TRPM5: variants seen among roughly 807,000 people sequenced by gnomAD.
TRPM5 encodes MLSN1 and TRP-related.
TRPM5 carries 121 observed loss-of-function variants against 124.9 expected under a neutral mutation model. That is an observed-to-expected ratio of 0.97 (90% CI 0.84 to 1.13). The LOEUF is 1.13. TRPM5 is among the 50% of genes most tolerant of loss of function. TRPM5 has a pLI of 0.00. For missense variants in TRPM5, 1,643 were observed against 1,589.1 expected (o/e 1.03, Z -0.58); for synonymous variants, 781 against 700.5 (o/e 1.11, Z -1.81).
the TRPM5 span, among the ~76,000 whole-genome samples, chr11:2,441,279 C>G: frequency 8.5e-5 from 13 of 152,164 alleles, no homozygotes; most frequent in Admixed American, 2.0e-4. The surrounding 1 kb of genome is among the most constrained non-coding windows in gnomAD (Gnocchi z 7.2). Context: ...TACAACCCTG[C>G]GGTCCTGCTC....
chr11:2,418,876 C>T (rs545077809), intron 4 of TRPM5, among the ~76,000 whole-genome samples: 2 of 152,316 alleles, frequency 1.3e-5, no homozygotes, highest in African/African-American at 4.8e-5. Flanking sequence ...AGCACCCAGC[C>T]CTACAGGTGC....
Position 2,406,006 on chromosome 11 carries a change from G to T in TRPM5, c.3324+13C>A, listed in dbSNP as rs201606499. The T allele has an allele frequency of 7.5e-6, 12 of 1,609,094 alleles. No homozygotes were observed. Among genetic ancestry groups the T allele is most frequent in the Non-Finnish European group, 1.0e-5 (12 of 1,179,086 alleles). ...GCCTCCCATCAGGGAGAGGAGCTCT[G>T]GGGCTCGCTTGCCTGTGACTCCAGA... On this transcript the variant is annotated intron_variant, in intron 22 of 23. Transcript: ENST00000155858.
At chr11:2,431,995 C>T in the TRPM5 span, among the ~76,000 whole-genome samples, 21 of 152,258 alleles carry the variant, frequency 1.4e-4, no homozygotes, top group Admixed American at 3.9e-4. Flanking sequence ...AGTGTCCAGG[C>T]GTGTCTCTGT....
At chr11:2,417,421 C>T (rs1190682286) in intron 7 of TRPM5, among the ~76,000 whole-genome samples, 1 of 152,234 alleles carries the variant, frequency 6.6e-6, no homozygotes, top group Non-Finnish European at 1.5e-5. Flanking sequence ...CAGCACTGCA[C>T]TCCAGCCTGG....
intron 21 of TRPM5, among the ~76,000 whole-genome samples, 197 bp from the exon 27 acceptor site, chr11:2,406,288 C>T (rs1347116993): frequency 6.6e-6 from 1 of 152,188 alleles, no homozygotes; most frequent in Non-Finnish European, 1.5e-5. Flanking sequence ...CGCTCTATGC[C>T]TTCCCAGTAG....
the TRPM5 span, among the ~76,000 whole-genome samples, chr11:2,432,102 A>C: frequency 6.6e-6 from 1 of 152,202 alleles, no homozygotes; most frequent in African/African-American, 2.4e-5. Context: ...CCTGGGTGGA[A>C]GGGCAGACAC....
intron 4 of TRPM5, among the ~76,000 whole-genome samples, chr11:2,419,407 A>G (rs1306105577): frequency 6.6e-6 from 1 of 151,542 alleles, no homozygotes; most frequent in Non-Finnish European, 1.5e-5. Context: ...CAGGAGTTCA[A>G]GACCAGCCTG....
the TRPM5 span, among the ~76,000 whole-genome samples, chr11:2,438,169 A>G: frequency 6.6e-6 from 1 of 152,246 alleles, no homozygotes; most frequent in Admixed American, 6.5e-5. The surrounding 1 kb of genome is among the most constrained non-coding windows in gnomAD (Gnocchi z 5.9). Flanking sequence ...CAAACTAGCC[A>G]TCAAAGGAAC....
At chr11:2,416,104 C>T (rs571970192) in intron 7 of TRPM5, 80 bp from the exon 13 acceptor site, 41 of 1,063,002 alleles carry the variant, frequency 3.9e-5, no homozygotes, top group Non-Finnish European at 5.1e-5. Context: ...CCCAAAGGTG[C>T]GCTGCCTAGA....
rs1481162138 is a variant in TRPM5, at chr11:2,414,009, G to A, written c.1890+52C>T. On this transcript the variant is annotated intron_variant, in intron 12 of 23. Coordinates refer to ENST00000155858, the Ensembl canonical transcript of TRPM5. ...AGTCAACTCAAGCTGGGCCCAGCTC[G>A]CCCGCCCACCCCACCCCCTGGCAGC... The A allele has an allele frequency of 1.4e-5, 14 of 1,025,312 alleles. No homozygotes were observed. The East Asian group carries it at 1.4e-4, about 10-fold the overall frequency. 63.5% of individuals were successfully genotyped at this position (1,025,312 alleles called of 1,614,324 possible).
At chr11:2,410,754 G>A (rs1850429369) in intron 18 of TRPM5, 3 of 444,456 alleles carry the variant, frequency 6.7e-6, no homozygotes, top group Admixed American at 4.9e-5. Flanking sequence ...ACACCCATAG[G>A]CATGGGCAGG....
the TRPM5 span, among the ~76,000 whole-genome samples, chr11:2,439,835 T>C: frequency 6.6e-6 from 1 of 152,144 alleles, no homozygotes; most frequent in Non-Finnish European, 1.5e-5. Flanking sequence ...CCTGGATACA[T>C]ATACAAAAGA....
exon 2 of TRPM5, chr11:2,422,169 C>T (rs749036547): frequency 6.2e-7 from 1 of 1,611,320 alleles, no homozygotes; most frequent in Admixed American, 1.7e-5. Flanking sequence ...TCACCAGCCC[C>T]TTGCGCAGCA....
chr11:2,428,788 G>C, the TRPM5 span, among the ~76,000 whole-genome samples: 1 of 151,484 alleles, frequency 6.6e-6, no homozygotes, highest in Non-Finnish European at 1.5e-5. The surrounding 1 kb of genome is among the most constrained non-coding windows in gnomAD (Gnocchi z 4.0). Context: ...GGTGGGTGAC[G>C]AAGGTGGTGG....
chr11:2,439,921 T>G, the TRPM5 span, among the ~76,000 whole-genome samples: 1 of 152,178 alleles, frequency 6.6e-6, no homozygotes, highest in Non-Finnish European at 1.5e-5. Context: ...AGACCTGGAA[T>G]TAACCCAAGG....
downstream of TRPM5, among the ~76,000 whole-genome samples, chr11:2,404,347 G>A (rs892228164): frequency 6.6e-5 from 10 of 152,184 alleles, no homozygotes; most frequent in African/African-American, 2.4e-4. Flanking sequence ...TGCCAGCAGG[G>A]GCTTTGTCTT....
At chr11:2,440,420 A>G in the TRPM5 span, among the ~76,000 whole-genome samples, 1 of 152,272 alleles carries the variant, frequency 6.6e-6, no homozygotes, top group African/African-American at 2.4e-5. The surrounding 1 kb of genome is among the most constrained non-coding windows in gnomAD (Gnocchi z 5.2). Flanking sequence ...CTCTGGAGAG[A>G]CACATCAGCT....
chr11:2,405,457 A>G (rs552970103), intron 23 of TRPM5, 70 bp downstream of exon 28: 2 of 1,470,562 alleles, frequency 1.4e-6, no homozygotes, highest in Non-Finnish European at 9.3e-7. Flanking sequence ...AGCACAGCCT[A>G]CGGCCCCCCA....
intron 11 of TRPM5, 35 bp downstream of exon 16, chr11:2,414,680 G>GC (rs76270811): frequency 0.49 from 734,087 of 1,507,836 alleles, 180,698 homozygotes; most frequent in East Asian, 0.71. Flanking sequence ...ATCCTCCCCC[G>GC]CGCGCGGGCC....
Sources: gnomAD v4.1 joint callset for allele counts (sites outside exome capture counted in the v4.1 genomes callset) on GRCh38, gnomAD v4.1.1 for gene constraint, Gnocchi (gnomAD v3.1) non-coding constraint, MANE v1.5 for transcripts, NCBI Gene and HGNC (gene_info 2026-07-23, HGNC 2026-07-21) for gene names.